ADAM29: variants seen among roughly 807,000 people sequenced by gnomAD.
The protein encoded by ADAM29 is disintegrin and metalloproteinase domain-containing protein 29.
For synonymous variants in ADAM29, 367 were observed against 342.3 expected (o/e 1.07, Z -0.80); for missense variants, 969 against 1,001.8 (o/e 0.97, Z 0.44).
intron 4 of ADAM29, among the ~76,000 whole-genome samples, chr4:174,959,386 C>A (rs938462824): frequency 6.6e-6 from 1 of 151,274 alleles, no homozygotes; most frequent in African/African-American, 2.4e-5. Flanking sequence ...TCCTTCAAGA[C>A]CTTTTTTTTT....
chr4:174,950,623 T>C (rs991554196), intron 4 of ADAM29, among the ~76,000 whole-genome samples: 30 of 152,208 alleles, frequency 2.0e-4, no homozygotes, highest in Non-Finnish European at 2.1e-4. Flanking sequence ...TAAAAGACTA[T>C]AAACATAGAT....
intron 4 of ADAM29, among the ~76,000 whole-genome samples, chr4:174,962,269 T>C (rs1201033692): frequency 6.6e-6 from 1 of 152,112 alleles, no homozygotes; most frequent in Non-Finnish European, 1.5e-5. Context: ...CCCAGTACTT[T>C]GGGAGGCCGG....
At position 174,977,660 on chromosome 4, in the gene ADAM29, C is replaced by T. The variant is rs141043508; in HGVS notation, c.2135C>T (p.Thr712Ile). The T allele has an allele frequency of 6.1e-5, 98 of 1,614,248 alleles. 1 individual carries two copies. The African/African-American group carries it at 1.1e-3, about 19-fold the overall frequency. ...KPIKKQQDVQ[T>I]PSAKEEEKIQ... ...ATAAAAAAGCAGCAAGATGTTCAAA[C>T]TCCATCTGCAAAAGAAGAGGAAAAA... is the stretch of plus-strand genomic sequence containing the variant. Residue 712 changes from threonine to isoleucine, a missense_variant, in exon 5 of 5, where the codon ACT becomes ATT. Coordinates refer to ENST00000359240, the MANE Select transcript of ADAM29 (RefSeq NM_014269.4).
At chr4:174,943,379 A>G (rs570218651) in intron 4 of ADAM29, among the ~76,000 whole-genome samples, 23 of 152,254 alleles carry the variant, frequency 1.5e-4, no homozygotes, top group Non-Finnish European at 4.4e-5. Flanking sequence ...ATAAAGAACT[A>G]CCTGAGACTG....
intron 4 of ADAM29, among the ~76,000 whole-genome samples, chr4:174,939,412 C>A (rs11934547): frequency 0.26 from 39,315 of 151,972 alleles, 5,980 homozygotes; most frequent in Non-Finnish European, 0.34. Context: ...TTCGAATATT[C>A]TGAAAATAGG....
chr4:174,958,940 C>A (rs527349205), intron 4 of ADAM29, among the ~76,000 whole-genome samples: 3 of 151,442 alleles, frequency 2.0e-5, no homozygotes, highest in Non-Finnish European at 4.4e-5. Flanking sequence ...ATGTTGCTGT[C>A]ATCATTATTT....
intron 4 of ADAM29, among the ~76,000 whole-genome samples, chr4:174,947,834 A>G (rs973593345): frequency 7.2e-5 from 11 of 152,160 alleles, no homozygotes; most frequent in African/African-American, 2.4e-4. Context: ...AATACTGTCA[A>G]TTGGAGGTGA....
intron 3 of ADAM29, among the ~76,000 whole-genome samples, chr4:174,932,013 G>A (rs896867138): frequency 1.3e-4 from 20 of 152,052 alleles, no homozygotes; most frequent in Non-Finnish European, 2.4e-4. Flanking sequence ...ATGAGGCCAG[G>A]CAAGGTGGCT....
chr4:174,938,847 G>A (rs1744351475), intron 4 of ADAM29, among the ~76,000 whole-genome samples: 1 of 152,104 alleles, frequency 6.6e-6, no homozygotes, highest in Admixed American at 6.6e-5. Context: ...GCAGGGAAAA[G>A]CTCCCTCTGA....
intron 4 of ADAM29, among the ~76,000 whole-genome samples, chr4:174,957,993 T>G: frequency 6.6e-6 from 1 of 151,964 alleles, no homozygotes; most frequent in Admixed American, 6.6e-5. Flanking sequence ...CTAGTCATCT[T>G]TCTGTTATAG....
intron 4 of ADAM29, among the ~76,000 whole-genome samples, chr4:174,973,434 T>TCA (rs1351041441): frequency 6.6e-6 from 1 of 152,176 alleles, no homozygotes; most frequent in Non-Finnish European, 1.5e-5. Context: ...CAGGATGTGG[T>TCA]AGTCATTCAA....
intron 4 of ADAM29, among the ~76,000 whole-genome samples, chr4:174,960,020 C>CT (rs1745718878): frequency 6.6e-6 from 1 of 151,848 alleles, no homozygotes; most frequent in Non-Finnish European, 1.5e-5. Context: ...TCTGTTTATT[C>CT]TTTTGTGAGT....
chr4:174,969,815 T>A (rs1579078658), intron 4 of ADAM29, among the ~76,000 whole-genome samples: 1 of 152,096 alleles, frequency 6.6e-6, no homozygotes, highest in South Asian at 2.1e-4. Flanking sequence ...AAGTTGAGAA[T>A]CTTTACATAT....
At chr4:174,927,302 C>A (rs1200967125) in intron 2 of ADAM29, among the ~76,000 whole-genome samples, 3 of 152,202 alleles carry the variant, frequency 2.0e-5, no homozygotes, top group African/African-American at 7.2e-5. Flanking sequence ...TAGTAGCTTA[C>A]ACCTGTTGGT....
chr4:174,927,169 T>A lies in ADAM29; in HGVS notation c.-450-3817T>A, dbSNP rs150446651. Among the ~76,000 whole-genome samples, 968 of 152,310 alleles carry A rather than the reference T, an allele frequency of 6.4e-3. 6 individuals are homozygous for A. Among genetic ancestry groups the A allele is most frequent in the Middle Eastern group, 0.027 (8 of 294 alleles). ...TTCAAACACAGGTGTTAGGAAATAGTACAGCCCATTTGAACTATTTGACAG... is the reference window on the plus strand; with the variant it reads ...TTCAAACACAGGTGTTAGGAAATAGAACAGCCCATTTGAACTATTTGACAG... On this transcript the variant is annotated intron_variant, in intron 2 of 4. Transcript: ENST00000359240.
At chr4:174,952,519 A>C (rs1209906301) in intron 4 of ADAM29, among the ~76,000 whole-genome samples, 2 of 152,220 alleles carry the variant, frequency 1.3e-5, no homozygotes, top group Admixed American at 1.3e-4. Context: ...TCCAGTTAAT[A>C]TATTTTTTAA....
intron 2 of ADAM29, among the ~76,000 whole-genome samples, chr4:174,926,356 T>C (rs1743516581): frequency 6.6e-6 from 1 of 152,120 alleles, no homozygotes; most frequent in Non-Finnish European, 1.5e-5. Flanking sequence ...GTTGTCAATA[T>C]GATTAAATTA....
At chr4:174,948,597 A>G (rs1036426264) in intron 4 of ADAM29, among the ~76,000 whole-genome samples, 1 of 152,110 alleles carries the variant, frequency 6.6e-6, no homozygotes, top group Non-Finnish European at 1.5e-5. Context: ...GGGGCTGCCA[A>G]CCAAAGTGCT....
At chr4:174,940,078 T>C (rs1744442275) in intron 4 of ADAM29, among the ~76,000 whole-genome samples, 1 of 152,026 alleles carries the variant, frequency 6.6e-6, no homozygotes, top group Non-Finnish European at 1.5e-5. Context: ...TTTTATATAG[T>C]TAGGGGTATA....
Sources: allele counts gnomAD v4.1 joint callset (sites outside exome capture counted in the v4.1 genomes callset), GRCh38; gene constraint gnomAD v4.1.1; transcripts MANE v1.5; gene names NCBI Gene and HGNC (gene_info 2026-07-23, HGNC 2026-07-21).